SCHIP1: variants seen among roughly 807,000 people sequenced by gnomAD.
SCHIP1 encodes the protein schwannomin interacting protein 1, also known as schwannomin-interacting protein 1.
Under a neutral mutation model 29.7 loss-of-function variants are expected in SCHIP1, and 8 were observed. That is an observed-to-expected ratio of 0.27 (90% CI 0.16 to 0.49). The LOEUF (loss-of-function observed/expected upper bound fraction) is 0.49, where lower values mean the gene tolerates loss of function less well. Among genes scored for constraint, SCHIP1 ranks in the 20% least tolerant of loss-of-function variants. The pLI is 0.99. For synonymous variants in SCHIP1, 76 were observed against 94.9 expected, an observed-to-expected ratio of 0.80 and a Z score of 1.16; for missense variants, 193 against 294.6, an observed-to-expected ratio of 0.66 and a Z score of 2.52.
chr3:159,301,515 G>T, the SCHIP1 span, among the ~76,000 whole-genome samples: 12 of 152,222 alleles, frequency 7.9e-5, no homozygotes, highest in African/African-American at 2.9e-4. Flanking sequence ...GACATGATTT[G>T]ACTCTGTGTC....
At chr3:159,723,739 G>A in the SCHIP1 span, among the ~76,000 whole-genome samples, 2 of 152,034 alleles carry the variant, frequency 1.3e-5, no homozygotes, top group African/African-American at 4.8e-5. Flanking sequence ...TAATCTATTG[G>A]CACTCAGCAA....
At chr3:159,366,712 A>G in the SCHIP1 span, among the ~76,000 whole-genome samples, 4,910 of 152,244 alleles carry the variant, frequency 0.032, 97 homozygotes, top group East Asian at 0.11. Context: ...GAATCATCCA[A>G]TAAAACTCAG....
chr3:159,667,087 G>A, the SCHIP1 span, among the ~76,000 whole-genome samples: 1 of 152,222 alleles, frequency 6.6e-6, no homozygotes, highest in African/African-American at 2.4e-5. Context: ...TAAGCCCTCA[G>A]TATATGTTTG....
intron 1 of SCHIP1, among the ~76,000 whole-genome samples, chr3:159,859,412 A>T (rs1164107505): frequency 6.6e-6 from 1 of 152,206 alleles, no homozygotes; most frequent in African/African-American, 2.4e-5. Flanking sequence ...TCACACTGTA[A>T]TGCTACCTAT....
At chr3:159,333,003 T>C in the SCHIP1 span, among the ~76,000 whole-genome samples, 1 of 152,216 alleles carries the variant, frequency 6.6e-6, no homozygotes, top group Non-Finnish European at 1.5e-5. Context: ...GAGAGACTAT[T>C]GGATTTAGGA....
At chr3:159,626,435 G>C in the SCHIP1 span, among the ~76,000 whole-genome samples, 2 of 151,694 alleles carry the variant, frequency 1.3e-5, no homozygotes, top group East Asian at 3.9e-4. Flanking sequence ...ATGGTACCTG[G>C]AGTCCTTCCT....
At chr3:159,874,152 A>G (rs1298877033) in intron 2 of SCHIP1, among the ~76,000 whole-genome samples, 1 of 152,176 alleles carries the variant, frequency 6.6e-6, no homozygotes, top group African/African-American at 2.4e-5. Flanking sequence ...CCACGAAATA[A>G]ATTTGATTCT....
chr3:159,600,995 T>C, the SCHIP1 span, among the ~76,000 whole-genome samples: 1 of 152,210 alleles, frequency 6.6e-6, no homozygotes, highest in Non-Finnish European at 1.5e-5. Context: ...AGTGATGAAG[T>C]TGTGCTGAAG....
At chr3:159,661,787 T>C in the SCHIP1 span, among the ~76,000 whole-genome samples, 1 of 152,150 alleles carries the variant, frequency 6.6e-6, no homozygotes, top group African/African-American at 2.4e-5. Flanking sequence ...AAAAGGAGGC[T>C]GGGGAAAATT....
chr3:159,885,285 T>C (rs139708931), intron 2 of SCHIP1, among the ~76,000 whole-genome samples: 97 of 152,262 alleles, frequency 6.4e-4, no homozygotes, highest in African/African-American at 2.2e-3. Context: ...GCCTTTTCTT[T>C]CCCTAAGCTT....
At chr3:159,603,064 A>C in the SCHIP1 span, among the ~76,000 whole-genome samples, 3 of 151,290 alleles carry the variant, frequency 2.0e-5, no homozygotes, top group South Asian at 6.2e-4. Flanking sequence ...TGTAAATCAG[A>C]GTCCTTACAA....
chr3:159,678,776 A>G, the SCHIP1 span, among the ~76,000 whole-genome samples: 1 of 152,218 alleles, frequency 6.6e-6, no homozygotes, highest in Non-Finnish European at 1.5e-5. Context: ...GGCCTCAGAA[A>G]ACTTACAATC....
the SCHIP1 span, among the ~76,000 whole-genome samples, chr3:159,286,627 G>A: frequency 6.6e-6 from 1 of 152,000 alleles, no homozygotes; most frequent in Non-Finnish European, 1.5e-5. Context: ...ATTCTGCTTC[G>A]AGTTCTTTGA....
chr3:159,511,387 A>G, the SCHIP1 span, among the ~76,000 whole-genome samples: 1 of 152,168 alleles, frequency 6.6e-6, no homozygotes, highest in Non-Finnish European at 1.5e-5. Flanking sequence ...TTGGCTAGGA[A>G]AGGGAACTCC....
chr3:159,569,869 A>G, the SCHIP1 span, among the ~76,000 whole-genome samples: 43 of 152,278 alleles, frequency 2.8e-4, no homozygotes, highest in African/African-American at 8.7e-4. Flanking sequence ...TCTAACTGGC[A>G]TGAGATGGTA....
chr3:159,312,019 A>G, the SCHIP1 span, among the ~76,000 whole-genome samples: 2 of 152,172 alleles, frequency 1.3e-5, no homozygotes, highest in Non-Finnish European at 2.9e-5. Context: ...TAGCCTAGAC[A>G]ACACAACATA....
Position 159,851,218 on chromosome 3 carries a change from A to T in SCHIP1, c.30+11004A>T, listed in dbSNP as rs536884100. Among the ~76,000 whole-genome samples the T allele has an allele frequency of 9.2e-5, 14 of 152,280 alleles. 1 individual carries two copies. In the South Asian group the frequency reaches 2.9e-3, roughly 32 times the overall value. ...AGGTGGGAGGATCACTTGAGCCTGG[A>T]GGTCAAGGTGGCAGTGAGCCATGAT... On this transcript the variant is annotated intron_variant, in intron 1 of 6. Transcript: ENST00000445224.
the SCHIP1 span, among the ~76,000 whole-genome samples, chr3:159,374,565 A>AGACAT: frequency 6.6e-6 from 1 of 152,192 alleles, no homozygotes; most frequent in Non-Finnish European, 1.5e-5. Flanking sequence ...CTTAATGATG[A>AGACAT]GACATGACAA....
chr3:159,422,032 G>A, the SCHIP1 span, among the ~76,000 whole-genome samples: 2 of 152,208 alleles, frequency 1.3e-5, no homozygotes, highest in African/African-American at 2.4e-5. Flanking sequence ...ATATATTTAT[G>A]TGAGAGTTGC....
Sources: allele counts gnomAD v4.1 joint callset (sites outside exome capture counted in the v4.1 genomes callset), GRCh38; gene constraint gnomAD v4.1.1; transcripts MANE v1.5; gene names NCBI Gene and HGNC (gene_info 2026-07-23, HGNC 2026-07-21).